Variants in DLGAP2 observed in about 807,000 individuals in gnomAD.
DLGAP2 encodes the protein DLG associated protein 2.
In DLGAP2, 26 loss-of-function variants were observed where a neutral mutation model predicts 100.3. The ratio of observed to expected loss-of-function variants is 0.26; its 90% CI spans 0.19 to 0.36. The LOEUF is 0.36. DLGAP2 is among the 10% of genes least tolerant of loss of function. DLGAP2 has a pLI of 1.00. For missense variants in DLGAP2, 1,858 were observed against 1,453.2 expected, an observed-to-expected ratio of 1.28 and a Z score of -4.53; for synonymous variants, 886 against 630.1, an observed-to-expected ratio of 1.41 and a Z score of -6.08.
chr8:823,055 A>AG lies in DLGAP2; in HGVS notation c.19-84850dup, dbSNP rs199618862. ...GCACTGATGGAAAGGTCTAAATTTC[A>AG]GGGGGGGCCATGTTGCTGCCACTGC... On this transcript the variant is annotated intron_variant, in intron 1 of 14. Transcript: ENST00000637795. Among the ~76,000 whole-genome samples, 664 of 151,618 alleles carry AG rather than the reference A, an allele frequency of 4.4e-3. 3 individuals carry two copies. Among genetic ancestry groups the AG allele is most frequent in the Middle Eastern group, 0.017 (5 of 294 alleles).
intron 2 of DLGAP2, among the ~76,000 whole-genome samples, chr8:934,488 C>T (rs576262537): frequency 2.8e-4 from 42 of 152,334 alleles, no homozygotes; most frequent in Admixed American, 2.0e-3. Flanking sequence ...AAACAGGCCA[C>T]CTCTTCGATT....
At chr8:1,650,653 G>A (rs1000398601) in intron 8 of DLGAP2, among the ~76,000 whole-genome samples, 2 of 152,254 alleles carry the variant, frequency 1.3e-5, no homozygotes, top group Admixed American at 1.3e-4. Context: ...TCTTGACCAA[G>A]AAGACAGAAG....
chr8:1,221,271 A>T (rs1361656590), intron 2 of DLGAP2, among the ~76,000 whole-genome samples: 1 of 151,994 alleles, frequency 6.6e-6, no homozygotes, highest in South Asian at 2.1e-4. Context: ...TCCCTTTAGG[A>T]CCTCTTCGAA....
chr8:827,680 C>A (rs1796707303), intron 1 of DLGAP2, among the ~76,000 whole-genome samples: 1 of 152,070 alleles, frequency 6.6e-6, no homozygotes, highest in Admixed American at 6.6e-5. Context: ...CTGGGTCAAC[C>A]CACAATAATT....
At chr8:1,195,005 G>T (rs796456618) in intron 2 of DLGAP2, among the ~76,000 whole-genome samples, 3 of 152,360 alleles carry the variant, frequency 2.0e-5, no homozygotes, top group African/African-American at 7.2e-5. Context: ...CATTCCTCGT[G>T]CCCTGCTCTC....
Position 1,457,235 on chromosome 8 carries a change from C to G in DLGAP2, c.107-44131C>G, listed in dbSNP as rs138672974. 2.6e-3 allele frequency among the ~76,000 whole-genome samples: 392 copies of G among 152,304 alleles called. 1 individual carries two copies. Among genetic ancestry groups the G allele is most frequent in the Non-Finnish European group, 4.1e-3 (277 of 68,026 alleles). On this transcript the variant is annotated intron_variant, in intron 3 of 14. Transcript: ENST00000637795. ...TTGCTTATCTACATTTTTACAAGAT[C>G]TAACTCCAAGGGGTTGTTCTCAAGT...
intron 2 of DLGAP2, among the ~76,000 whole-genome samples, chr8:1,146,553 CTG>C (rs540753119): frequency 1.3e-5 from 2 of 150,966 alleles, no homozygotes; most frequent in African/African-American, 2.4e-5. Flanking sequence ...ATCTCTGGAA[CTG>C]TGTGTGTGCA....
chr8:1,075,579 C>G (rs1365335684), intron 2 of DLGAP2, among the ~76,000 whole-genome samples: 2 of 152,160 alleles, frequency 1.3e-5, no homozygotes, highest in Non-Finnish European at 2.9e-5. Context: ...CAAGTGAAAT[C>G]TGAGGACAAG....
rs148786805 is a variant in DLGAP2, at chr8:816,620, TA to T, written c.18+78796del. Among the ~76,000 whole-genome samples, 865 of 152,298 alleles carry T rather than the reference TA, an allele frequency of 5.7e-3. 7 individuals carry two copies. Among genetic ancestry groups the T allele is most frequent in the African/African-American group, 0.02 (823 of 41,556 alleles). ...ATCTGATAGGTTTTCCTTTATAGGT[TA>T]GCTGATGCTTTTGCCTCCAGCTCTT... On this transcript the variant is annotated intron_variant, in intron 1 of 14. Transcript: ENST00000637795.
intron 3 of DLGAP2, among the ~76,000 whole-genome samples, chr8:1,447,099 A>G (rs1027404400): frequency 3.9e-5 from 6 of 152,158 alleles, no homozygotes; most frequent in African/African-American, 9.7e-5. Context: ...TCTCCTGCCT[A>G]ATTGCCCTGG....
chr8:1,494,957 G>C (rs570890539), intron 3 of DLGAP2, among the ~76,000 whole-genome samples: 1 of 152,330 alleles, frequency 6.6e-6, no homozygotes, highest in East Asian at 1.9e-4. Context: ...TGACAGAGTG[G>C]TAGGGTGTTA....
chr8:1,288,086 A>AGT (rs1255759349), intron 3 of DLGAP2, among the ~76,000 whole-genome samples: 2 of 105,488 alleles, frequency 1.9e-5, no homozygotes, highest in African/African-American at 3.9e-5. Context: ...GTTTCGGTTC[A>AGT]GTGTGTGTGT....
intron 2 of DLGAP2, among the ~76,000 whole-genome samples, chr8:956,596 A>T (rs906910363): frequency 1.3e-5 from 2 of 152,152 alleles, no homozygotes; most frequent in African/African-American, 4.8e-5. Context: ...GCATCAAAAC[A>T]CCCCTGAAAC....
intron 1 of DLGAP2, among the ~76,000 whole-genome samples, chr8:830,751 A>G (rs1469731076): frequency 1.3e-5 from 2 of 151,984 alleles, no homozygotes; most frequent in Non-Finnish European, 2.9e-5. Context: ...TTTTTCCTAT[A>G]TTTACAATTC....
At chr8:1,549,778 C>G (rs1207134019) in intron 5 of DLGAP2, 95 bp downstream of exon 5, 4 of 1,296,534 alleles carry the variant, frequency 3.1e-6, no homozygotes, top group African/African-American at 1.5e-5. Flanking sequence ...ACTGCATACA[C>G]ATTTAGGTTG....
chr8:969,355 G>A (rs992496533), intron 2 of DLGAP2, among the ~76,000 whole-genome samples: 8 of 152,040 alleles, frequency 5.3e-5, no homozygotes, highest in East Asian at 1.9e-4. Context: ...CTCCATGCGC[G>A]AGTGAGCCAA....
rs370257203 is a variant in DLGAP2, at chr8:917,593, T to G, written c.73+9627T>G. Among the ~76,000 whole-genome samples, 734 of 151,956 alleles carry G rather than the reference T, an allele frequency of 4.8e-3. 11 individuals are homozygous for G. Among genetic ancestry groups the G allele is most frequent in the African/African-American group, 0.017 (710 of 41,454 alleles). On this transcript the variant is annotated intron_variant, in intron 2 of 14. Coordinates refer to ENST00000637795, the MANE Select transcript of DLGAP2 (RefSeq NM_001346810.2). ...CAGCGTCTCCAGAATATTCTTTTGT[T>G]GTTGCTGAGACAGGGTCTCGCTCTG...
intron 1 of DLGAP2, among the ~76,000 whole-genome samples, chr8:746,389 C>T (rs891768874): frequency 6.6e-6 from 1 of 152,224 alleles, no homozygotes; most frequent in South Asian, 2.1e-4. Flanking sequence ...GATGAGGAAA[C>T]TGGGGAAGAG....
intron 13 of DLGAP2, among the ~76,000 whole-genome samples, chr8:1,696,327 C>T (rs758664544): frequency 1.3e-5 from 2 of 152,170 alleles, no homozygotes; most frequent in South Asian, 4.1e-4. Context: ...ACAGCCAGAC[C>T]CCATTGCTAC....
Sources: allele counts gnomAD v4.1 joint callset (sites outside exome capture counted in the v4.1 genomes callset), GRCh38; gene constraint gnomAD v4.1.1; transcripts MANE v1.5; gene names NCBI Gene and HGNC (gene_info 2026-07-23, HGNC 2026-07-21).